Variants in NUP42 observed in about 807,000 individuals in gnomAD.
The protein encoded by NUP42 is nucleoporin 42.
NUP42 carries 47 observed loss-of-function variants against 35.9 expected under a neutral mutation model. The ratio of observed to expected loss-of-function variants is 1.31; its 90% CI spans 1.04 to 1.67. The LOEUF is 1.67. NUP42 is among the 40% of genes most tolerant of loss of function. The probability of loss-of-function intolerance (pLI) is 0.00; values close to 1 mark genes in which losing one functional copy is unlikely to be tolerated. For synonymous variants in NUP42, 173 were observed against 173.3 expected (o/e 1.00, Z 0.01); for missense variants, 514 against 492.2 (o/e 1.04, Z -0.42).
At chr7:23,183,960 T>C (rs1378227225) in intron 1 of NUP42, among the ~76,000 whole-genome samples, 1 of 151,106 alleles carries the variant, frequency 6.6e-6, no homozygotes, top group Non-Finnish European at 1.5e-5. Flanking sequence ...TGTGTCATTC[T>C]AACTTTTAAT....
intron 3 of NUP42, among the ~76,000 whole-genome samples, chr7:23,187,678 C>G (rs1188117926): frequency 7.1e-6 from 1 of 141,170 alleles, no homozygotes; most frequent in East Asian, 2.1e-4. Context: ...GCGATCTCGG[C>G]TCACTGTGAC....
chr7:23,188,055 A>C, intron 3 of NUP42: 1 of 1,447,526 alleles, frequency 6.9e-7, no homozygotes, highest in South Asian at 1.5e-5. Context: ...TTCTGGGCTG[A>C]AACCTAGACC....
chr7:23,197,193 T>C (rs1355944932), intron 5 of NUP42: 30 of 1,300,326 alleles, frequency 2.3e-5, no homozygotes, highest in Non-Finnish European at 3.0e-5. Flanking sequence ...GGAAGATATA[T>C]ACCCACCTGT....
Position 23,182,195 on chromosome 7 carries a change from A to G in NUP42, c.110A>G (p.Gln37Arg), listed in dbSNP as rs776677473. 4 of 1,611,028 alleles carry G rather than the reference A, an allele frequency of 2.5e-6. No homozygotes were observed. Among genetic ancestry groups the G allele is most frequent in the Non-Finnish European group, 2.5e-6 (3 of 1,178,584 alleles). Residue 37 changes from glutamine (Q) to arginine (R), a missense_variant, in exon 1 of 7, where the codon CAG becomes CGG. By Grantham distance (43) the Gln-to-Arg change is conservative. Transcript: ENST00000258742. Reference protein sequence around the residue: ...GAGGGRQQPQQQPSGNNRRGW... With the variant: ...GAGGGRQQPQRQPSGNNRRGW... ...GGAGGAGGACGGCAGCAACCGCAGC[A>G]GCAGCCTTCAGGTGACTCTCCTCTG...
Position 23,196,844 on chromosome 7 carries a change from GA to G in NUP42, c.609+81del, listed in dbSNP as rs1446428413. ...CAGAGGATATTTTACTTTAGATTTG[GA>G]AAGCAAAACAAAAATTTTCTATCAA... On this transcript the variant is annotated intron_variant, in intron 5 of 6. Coordinates refer to ENST00000258742, the MANE Select transcript of NUP42 (RefSeq NM_007342.3). 4 of 1,054,242 alleles carry G rather than the reference GA, an allele frequency of 3.8e-6. No homozygotes were observed. The Admixed American group carries it at 9.1e-5, about 24-fold the overall frequency. 65.3% of individuals were successfully genotyped at this position (1,054,242 alleles called of 1,614,324 possible). A position where few individuals can be genotyped will look rare whatever the true frequency, so the allele number is the denominator to read the frequency against.
At chr7:23,185,581 A>C (rs1301677934) in intron 2 of NUP42, among the ~76,000 whole-genome samples, 3 of 152,128 alleles carry the variant, frequency 2.0e-5, no homozygotes, top group Non-Finnish European at 4.4e-5. Flanking sequence ...CCTAGGGGTA[A>C]TTACGCTTTT....
intron 5 of NUP42, among the ~76,000 whole-genome samples, chr7:23,198,914 G>A (rs1786110014): frequency 6.6e-6 from 1 of 152,054 alleles, no homozygotes; most frequent in Non-Finnish European, 1.5e-5. Context: ...GTATAAAAAA[G>A]CATAAATAAA....
rs1195734303 is a variant in NUP42, at chr7:23,196,825, A to G, written c.609+59A>G. 7 of 1,214,084 alleles carry G rather than the reference A, an allele frequency of 5.8e-6. No individual in the cohort carries two copies. The Admixed American group carries it at 5.9e-5, about 10-fold the overall frequency. 75.2% of individuals were successfully genotyped at this position (1,214,084 alleles called of 1,614,324 possible). On this transcript the variant is annotated intron_variant, in intron 5 of 6. Transcript: ENST00000258742. ...CTTACCTATTGCTTTTTTGCAGAGGATATTTTACTTTAGATTTGGAAAGCA... is the reference window on the plus strand; with the variant it reads ...CTTACCTATTGCTTTTTTGCAGAGGGTATTTTACTTTAGATTTGGAAAGCA...
At chr7:23,183,754 T>TAAAAAAA (rs571597955) in intron 1 of NUP42, among the ~76,000 whole-genome samples, 3 of 82,064 alleles carry the variant, frequency 3.7e-5, no homozygotes, top group African/African-American at 1.3e-4. Flanking sequence ...AAAAGCAATG[T>TAAAAAAA]AAAAAAAAAA....
At chr7:23,192,498 G>A (rs1449006535) in intron 3 of NUP42, among the ~76,000 whole-genome samples, 38 of 140,468 alleles carry the variant, frequency 2.7e-4, no homozygotes, top group Non-Finnish European at 2.1e-4. Flanking sequence ...AGTAAGCCGA[G>A]ATGATGCCAC....
intron 3 of NUP42, chr7:23,188,205 T>C: frequency 3.2e-6 from 4 of 1,259,240 alleles, no homozygotes; most frequent in Non-Finnish European, 4.0e-6. Context: ...TTCTAGTTGC[T>C]CATTTTCTGT....
intron 5 of NUP42, among the ~76,000 whole-genome samples, chr7:23,199,034 A>T (rs1562611701): frequency 6.6e-6 from 1 of 152,192 alleles, no homozygotes; most frequent in Non-Finnish European, 1.5e-5. Flanking sequence ...TTTATACAGT[A>T]TTATGTCTTA....
At chr7:23,183,043 C>G in intron 1 of NUP42, among the ~76,000 whole-genome samples, 1 of 152,022 alleles carries the variant, frequency 6.6e-6, no homozygotes, top group East Asian at 1.9e-4. Context: ...AAGGGCTATC[C>G]GGGAGGTGAG....
At chr7:23,195,747 A>G in intron 3 of NUP42, 92 bp from the exon 4 acceptor site, 2 of 742,798 alleles carry the variant, frequency 2.7e-6, no homozygotes, top group East Asian at 5.7e-5. Context: ...TTTTCTAATC[A>G]ACATTAGATA....
At chr7:23,187,910 A>C in intron 3 of NUP42, 1 of 511,750 alleles carries the variant, frequency 2.0e-6, no homozygotes, top group Admixed American at 3.9e-5. Context: ...CTGGCCTGGA[A>C]TAGCATTTGC....
chr7:23,196,282 C>A (rs1786008336), intron 4 of NUP42: 1 of 203,222 alleles, frequency 4.9e-6, no homozygotes, highest in South Asian at 1.2e-4. Flanking sequence ...TTAACATCCT[C>A]ATATATCAAA....
chr7:23,198,656 A>G (rs1786101859), intron 5 of NUP42, among the ~76,000 whole-genome samples: 1 of 152,262 alleles, frequency 6.6e-6, no homozygotes, highest in Admixed American at 6.5e-5. Flanking sequence ...AGACATTTCT[A>G]GAGCACAGAA....
intron 1 of NUP42, chr7:23,182,614 A>T (rs1362078505): frequency 7.5e-6 from 5 of 664,032 alleles, no homozygotes; most frequent in Non-Finnish European, 7.5e-6. Flanking sequence ...AATCTAATAA[A>T]ACCGGCCGGG....
chr7:23,188,085 A>C lies in NUP42; in HGVS notation c.445+939A>C, dbSNP rs1284983665. The C allele has an allele frequency of 2.1e-6, 3 of 1,430,444 alleles. No homozygotes were observed. The African/African-American group carries it at 4.5e-5, about 21-fold the overall frequency. 88.6% of individuals were successfully genotyped at this position (1,430,444 alleles called of 1,614,324 possible). Reference sequence around the variant, plus strand: ...TAGACCACCGGGCTTTCCCAAGCCCACTCTGGGTGTTCCTGGGCCTCCGTC... The same window carrying C: ...TAGACCACCGGGCTTTCCCAAGCCCCCTCTGGGTGTTCCTGGGCCTCCGTC... On this transcript the variant is annotated intron_variant, in intron 3 of 6. Transcript: ENST00000258742.
Sources: gnomAD v4.1 joint callset for allele counts (sites outside exome capture counted in the v4.1 genomes callset) on GRCh38, gnomAD v4.1.1 for gene constraint, MANE v1.5 for transcripts, NCBI Gene and HGNC (gene_info 2026-07-23, HGNC 2026-07-21) for gene names.